IL2RA: variants seen among roughly 807,000 people sequenced by gnomAD.
IL2RA encodes the protein interleukin 2 receptor subunit alpha, also known as interleukin-2 receptor subunit alpha.
A neutral mutation model predicts 37.8 loss-of-function variants in IL2RA; 24 were observed. The observed-to-expected ratio is 0.63, with a 90% CI of 0.46 to 0.89. The LOEUF (loss-of-function observed/expected upper bound fraction) is 0.89, where lower values mean the gene tolerates loss of function less well. Ranked by LOEUF, IL2RA falls within the 40% of genes least tolerant of loss-of-function variation. The probability of loss-of-function intolerance (pLI) is 0.00; values close to 1 mark genes in which losing one functional copy is unlikely to be tolerated. For missense variants in IL2RA, 319 were observed against 348.6 expected (o/e 0.92, Z 0.68); for synonymous variants, 125 against 114.6 (o/e 1.09, Z -0.58).
chr10:6,033,115 G>A lies in IL2RA; in HGVS notation c.65-7090C>T, dbSNP rs757575986. 1.3e-5 allele frequency among the ~76,000 whole-genome samples: 2 copies of A among 152,074 alleles called. No homozygotes were observed. Among genetic ancestry groups the A allele is most frequent in the Non-Finnish European group, 2.9e-5 (2 of 68,004 alleles). The stretch of plus-strand genomic sequence containing the variant: ...TATTTGGCCAGGCATGGTGGCTCAC[G>A]CCTGTAATCTCAGCACTTTAGGAGG... On this transcript the variant is annotated intron_variant, in intron 1 of 7. Coordinates refer to ENST00000379959, the MANE Select transcript of IL2RA (RefSeq NM_000417.3). This position sits in a 1 kb window ranked among gnomAD's most constrained non-coding sequence, Gnocchi z 4.3.
chr10:6,060,203 C>A (rs368118996), intron 1 of IL2RA, among the ~76,000 whole-genome samples: 1 of 152,154 alleles, frequency 6.6e-6, no homozygotes, highest in Non-Finnish European at 1.5e-5. Context: ...ATTGAAAAAC[C>A]TTCCTAAAAG....
chr10:6,042,983 C>T (rs1372758207), intron 1 of IL2RA, among the ~76,000 whole-genome samples: 2 of 152,104 alleles, frequency 1.3e-5, no homozygotes, highest in South Asian at 2.1e-4. Context: ...TGAAGCTGTC[C>T]ATGTTCTAGG....
At chr10:6,039,124 A>G (rs1839732645) in intron 1 of IL2RA, among the ~76,000 whole-genome samples, 1 of 152,232 alleles carries the variant, frequency 6.6e-6, no homozygotes, top group Non-Finnish European at 1.5e-5. Flanking sequence ...GTTTGAAACT[A>G]AAAGAATGGA....
At chr10:6,042,251 G>T (rs904371777) in intron 1 of IL2RA, among the ~76,000 whole-genome samples, 2 of 148,204 alleles carry the variant, frequency 1.3e-5, no homozygotes, top group African/African-American at 5.0e-5. Context: ...TACTTTTATG[G>T]TATAAAGGAA....
intron 1 of IL2RA, among the ~76,000 whole-genome samples, chr10:6,045,493 G>C (rs1839837889): frequency 1.3e-5 from 2 of 152,114 alleles, no homozygotes; most frequent in African/African-American, 4.8e-5. Context: ...CTAATCCTGG[G>C]AGTCTTCTCG....
chr10:6,051,177 G>A (rs12722635), intron 1 of IL2RA, among the ~76,000 whole-genome samples: 6 of 152,200 alleles, frequency 3.9e-5, no homozygotes, highest in South Asian at 2.1e-4. Flanking sequence ...CACAAGGACC[G>A]GAAGCAGAGA....
At chr10:6,019,096 C>G (rs1335747201) in intron 6 of IL2RA, among the ~76,000 whole-genome samples, 1 of 151,984 alleles carries the variant, frequency 6.6e-6, no homozygotes, top group Admixed American at 6.6e-5. Flanking sequence ...ACTTATCAAC[C>G]AACCCACCAA....
In IL2RA at chr10:6,015,692, T is replaced by C. The variant is rs41294681; in HGVS notation, c.794+2361A>G. On this transcript the variant is annotated intron_variant, in intron 7 of 7. Coordinates refer to ENST00000379959, the MANE Select transcript of IL2RA (RefSeq NM_000417.3). This position sits in a 1 kb window ranked among gnomAD's most constrained non-coding sequence, Gnocchi z 4.9. ...CAGATCATGGTATTTAGCATATCCA[T>C]CATCTCAAACATTTATCGTTTCTTT... 0.1 allele frequency among the ~76,000 whole-genome samples: 15,836 copies of C among 152,302 alleles called. 1,114 individuals carry two copies. Among genetic ancestry groups the C allele is most frequent in the Non-Finnish European group, 0.16 (10,981 of 68,002 alleles).
At position 6,047,555 on chromosome 10, in the gene IL2RA, G is replaced by A. The variant is rs957146016; in HGVS notation, c.64+14533C>T. Among the ~76,000 whole-genome samples the A allele has an allele frequency of 1.3e-4, 20 of 151,920 alleles. No individual in the cohort carries two copies. The highest frequency in any genetic ancestry group is 2.1e-4 in the South Asian group (1 of 4,824). ...AGAGCTCACACGCACAAATGTTCTCGGCTTCCCAGACACCAATGAAGGAGC... is the reference window on the plus strand; with the variant it reads ...AGAGCTCACACGCACAAATGTTCTCAGCTTCCCAGACACCAATGAAGGAGC... On this transcript the variant is annotated intron_variant, in intron 1 of 7. Coordinates refer to ENST00000379959, the MANE Select transcript of IL2RA (RefSeq NM_000417.3). This position sits in a 1 kb window ranked among gnomAD's most constrained non-coding sequence, Gnocchi z 5.0.
intron 1 of IL2RA, among the ~76,000 whole-genome samples, chr10:6,040,530 C>T (rs1016968365): frequency 3.3e-5 from 5 of 152,144 alleles, no homozygotes; most frequent in African/African-American, 4.8e-5. Flanking sequence ...ACCTTATATA[C>T]GAATACACTT....
chr10:6,012,273 G>A lies in IL2RA; in HGVS notation c.*599C>T. 1.3e-5 allele frequency: 2 copies of A among 153,794 alleles called. No individual in the cohort carries two copies. The highest frequency in any genetic ancestry group is 4.1e-4 in the South Asian group (2 of 4,920). 9.5% of individuals were successfully genotyped at this position (153,794 alleles called of 1,614,324 possible). A position where few individuals can be genotyped will look rare whatever the true frequency, so the allele number is the denominator to read the frequency against. On this transcript the variant is annotated 3_prime_UTR_variant, in exon 8 of 8. Transcript: ENST00000379959. This position sits in a 1 kb window ranked among gnomAD's most constrained non-coding sequence, Gnocchi z 4.8. ...TCAAGACTGAAGGCTCAGTAGAAGG[G>A]GGTTAGCTTAGAGGATTGAGCCAAG...
chr10:6,055,764 T>A (rs1239258873), intron 1 of IL2RA, among the ~76,000 whole-genome samples: 1 of 31,062 alleles, frequency 3.2e-5, no homozygotes, highest in East Asian at 4.5e-4. Context: ...GGCTCCTCAC[T>A]TCCCAGTAGG....
At position 6,021,777 on chromosome 10, in the gene IL2RA, C is replaced by A. The variant is rs1335318587; in HGVS notation, c.368-84G>T. 2 of 1,043,588 alleles carry A rather than the reference C, an allele frequency of 1.9e-6. No homozygotes were observed. Among genetic ancestry groups the A allele is most frequent in the Non-Finnish European group, 3.0e-6 (2 of 671,290 alleles). 64.6% of individuals were successfully genotyped at this position (1,043,588 alleles called of 1,614,324 possible). ...AGGTTGCCTCTTGCTAGGGACTGGA[C>A]CTTGGTTCTTACTCTCTTGACTGCT... On this transcript the variant is annotated intron_variant, in intron 3 of 7. Transcript: ENST00000379959. The surrounding 1 kb of genome is among the most constrained non-coding windows in gnomAD (Gnocchi z 4.9).
Position 6,012,803 on chromosome 10 carries a change from A to C in IL2RA, c.*69T>G. ...GCGACCATTTAGCACCTTTGATTTC[A>C]CTTGGGCTTCATGACTTCTGTTGTC... On this transcript the variant is annotated 3_prime_UTR_variant, in exon 8 of 8. Transcript: ENST00000379959. The surrounding 1 kb of genome is among the most constrained non-coding windows in gnomAD (Gnocchi z 4.8). The C allele has an allele frequency of 2.0e-6, 3 of 1,513,552 alleles. No homozygotes were observed. In the African/African-American group the frequency reaches 4.1e-5, roughly 21 times the overall value. 93.8% of individuals were successfully genotyped at this position (1,513,552 alleles called of 1,614,324 possible).
At chr10:6,053,087 C>G (rs1285058439) in intron 1 of IL2RA, among the ~76,000 whole-genome samples, 1 of 152,218 alleles carries the variant, frequency 6.6e-6, no homozygotes, top group Non-Finnish European at 1.5e-5. Flanking sequence ...GGGCATTACT[C>G]ACAGCCTATT....
At position 6,057,114 on chromosome 10, in the gene IL2RA, T is replaced by C. The variant is rs906639863; in HGVS notation, c.64+4974A>G. On this transcript the variant is annotated intron_variant, in intron 1 of 7. Transcript: ENST00000379959. The surrounding 1 kb of genome is among the most constrained non-coding windows in gnomAD (Gnocchi z 4.8). ...TGTTACCATGACTATATCTATGCCTTTCTCCTCCTCACCAACTTATGACTC... is the reference window on the plus strand; with the variant it reads ...TGTTACCATGACTATATCTATGCCTCTCTCCTCCTCACCAACTTATGACTC... Among the ~76,000 whole-genome samples, 4 of 152,242 alleles carry C rather than the reference T, an allele frequency of 2.6e-5. No homozygotes were observed. The highest frequency in any genetic ancestry group is 9.6e-5 in the African/African-American group (4 of 41,470).
chr10:6,048,195 A>G lies in IL2RA; in HGVS notation c.64+13893T>C, dbSNP rs1021402074. ...CATGGGAGTCCTGAGGTGGGTGGTG[A>G]TAAGTAAGCAAGAAGAGGGGTTGCT... is the stretch of plus-strand genomic sequence containing the variant. On this transcript the variant is annotated intron_variant, in intron 1 of 7. Transcript: ENST00000379959. The surrounding 1 kb of genome is among the most constrained non-coding windows in gnomAD (Gnocchi z 5.3). 9.2e-5 allele frequency among the ~76,000 whole-genome samples: 14 copies of G among 152,228 alleles called. No individual in the cohort carries two copies. The highest frequency in any genetic ancestry group is 3.4e-4 in the African/African-American group (14 of 41,454).
At chr10:6,024,221 T>C (rs1224621593) in intron 3 of IL2RA, 23 bp downstream of exon 3, 1 of 1,499,626 alleles carries the variant, frequency 6.7e-7, no homozygotes, top group South Asian at 1.1e-5. Context: ...AGGAGTTAGC[T>C]GGAGGACAGA....
At chr10:6,024,205 G>T in intron 3 of IL2RA, 39 bp downstream of exon 3, 1 of 1,329,630 alleles carries the variant, frequency 7.5e-7, no homozygotes, top group African/African-American at 1.4e-5. Flanking sequence ...AGAAGGGTGC[G>T]CTAGCAGGAG....
Sources: allele counts gnomAD v4.1 joint callset (sites outside exome capture counted in the v4.1 genomes callset), GRCh38; gene constraint gnomAD v4.1.1; non-coding constraint Gnocchi (gnomAD v3.1); transcripts MANE v1.5; gene names NCBI Gene and HGNC (gene_info 2026-07-23, HGNC 2026-07-21).